Variants in EDIL3 observed in about 807,000 individuals in gnomAD.
EDIL3 encodes the protein EGF like and discoidin domains 3.
EDIL3 carries 37 observed loss-of-function variants against 67.4 expected under a neutral mutation model. The ratio of observed to expected loss-of-function variants is 0.55; its 90% CI spans 0.42 to 0.72. The LOEUF is 0.72. Among genes scored for constraint, EDIL3 ranks in the 30% least tolerant of loss-of-function variants. The probability of loss-of-function intolerance (pLI) is 0.00; values close to 1 mark genes in which losing one functional copy is unlikely to be tolerated. For synonymous variants in EDIL3, 195 were observed against 196.3 expected, an observed-to-expected ratio of 0.99 and a Z score of 0.05; for missense variants, 527 against 586.3, an observed-to-expected ratio of 0.90 and a Z score of 1.04.
chr5:84,014,476 G>A (rs1453408981), intron 9 of EDIL3, among the ~76,000 whole-genome samples: 2 of 151,976 alleles, frequency 1.3e-5, no homozygotes, highest in Admixed American at 1.3e-4. Context: ...GAAACCCCGT[G>A]TCTACTAAAA....
In EDIL3 at chr5:84,282,166, C is replaced by T. The variant is rs547618652; in HGVS notation, c.68-27954G>A. On this transcript the variant is annotated intron_variant, in intron 1 of 10. Transcript: ENST00000296591. ...GATTACAGGCGTGAGCCACCGTGCC[C>T]GGCCTCATATTTTTTAAAGAAACAA... Among the ~76,000 whole-genome samples the T allele has an allele frequency of 1.1e-4, 16 of 151,990 alleles. No individual in the cohort carries two copies. The South Asian group carries it at 1.7e-3, about 16-fold the overall frequency.
chr5:84,337,885 T>C (rs1747022368), intron 1 of EDIL3, among the ~76,000 whole-genome samples: 1 of 152,170 alleles, frequency 6.6e-6, no homozygotes, highest in Non-Finnish European at 1.5e-5. Flanking sequence ...TCCTTTATTG[T>C]ACCATAATAA....
At chr5:83,943,828 T>TA (rs965866140) in intron 10 of EDIL3, among the ~76,000 whole-genome samples, 3 of 151,684 alleles carry the variant, frequency 2.0e-5, no homozygotes, top group Admixed American at 6.6e-5. Flanking sequence ...TTCTCTCAAT[T>TA]AAAAAAAATA....
chr5:83,976,344 T>C (rs147357159), intron 9 of EDIL3, among the ~76,000 whole-genome samples: 12 of 151,860 alleles, frequency 7.9e-5, no homozygotes, highest in African/African-American at 2.9e-4. Context: ...ACTTTTTTTC[T>C]GGAAAGCTTT....
chr5:84,109,939 A>G (rs972869505), intron 5 of EDIL3, among the ~76,000 whole-genome samples: 4 of 152,206 alleles, frequency 2.6e-5, no homozygotes, highest in Admixed American at 2.6e-4. Flanking sequence ...AGATAATGAA[A>G]GCTTTGCTTT....
At chr5:84,052,014 C>T (rs1329934724) in intron 9 of EDIL3, among the ~76,000 whole-genome samples, 6 of 152,134 alleles carry the variant, frequency 3.9e-5, no homozygotes, top group African/African-American at 1.4e-4. Flanking sequence ...TTGTCAGATT[C>T]ACCAAAGATG....
intron 9 of EDIL3, among the ~76,000 whole-genome samples, chr5:84,026,104 G>T (rs1256062383): frequency 6.6e-6 from 1 of 152,124 alleles, no homozygotes; most frequent in Non-Finnish European, 1.5e-5. Context: ...AGAATATATG[G>T]ATTTCTTTCT....
intron 9 of EDIL3, among the ~76,000 whole-genome samples, chr5:83,984,097 G>C (rs1745018889): frequency 6.6e-6 from 1 of 152,028 alleles, no homozygotes; most frequent in Admixed American, 6.6e-5. Context: ...AGGGCAGTTG[G>C]TTCAGAGCGT....
intron 6 of EDIL3, among the ~76,000 whole-genome samples, chr5:84,072,801 T>A (rs1746764398): frequency 1.3e-5 from 2 of 151,544 alleles, no homozygotes; most frequent in Non-Finnish European, 2.9e-5. Context: ...AGAACAAGAA[T>A]GAAGGAGGAA....
chr5:84,161,364 C>T (rs537821519), intron 4 of EDIL3, among the ~76,000 whole-genome samples: 86 of 151,982 alleles, frequency 5.7e-4, no homozygotes, highest in Non-Finnish European at 9.3e-4. Context: ...ATGCTTAACT[C>T]GGGTCTAGTT....
intron 10 of EDIL3, among the ~76,000 whole-genome samples, chr5:83,962,957 G>T (rs552203007): frequency 9.9e-5 from 15 of 151,710 alleles, no homozygotes; most frequent in African/African-American, 3.4e-4. Flanking sequence ...TAGATAGTCA[G>T]ATCTTAGGCA....
rs62364186 is a variant in EDIL3, at chr5:84,009,678, G to A, written c.1138-46318C>T. Among the ~76,000 whole-genome samples the A allele has an allele frequency of 8.3e-3, 1,267 of 152,222 alleles. 23 individuals are homozygous for A. Among genetic ancestry groups the A allele is most frequent in the African/African-American group, 0.025 (1,033 of 41,536 alleles). On this transcript the variant is annotated intron_variant, in intron 9 of 10. Transcript: ENST00000296591. ...AGAGTGAAGAGCCCTGTCATGAGTC[G>A]CTGCTACACAAACATCACACTGAGC...
At chr5:84,313,548 C>G (rs1224276536) in intron 1 of EDIL3, among the ~76,000 whole-genome samples, 1 of 152,130 alleles carries the variant, frequency 6.6e-6, no homozygotes, top group African/African-American at 2.4e-5. Context: ...TCCTGATATT[C>G]CACTTCTTTT....
At chr5:84,053,582 A>T (rs1746382576) in intron 9 of EDIL3, among the ~76,000 whole-genome samples, 1 of 152,192 alleles carries the variant, frequency 6.6e-6, no homozygotes, top group Non-Finnish European at 1.5e-5. Flanking sequence ...AAAGAAGAAA[A>T]GAGAGAAGAA....
At chr5:84,182,085 CAG>C (rs1310225428) in intron 3 of EDIL3, among the ~76,000 whole-genome samples, 1 of 151,848 alleles carries the variant, frequency 6.6e-6, no homozygotes, top group Non-Finnish European at 1.5e-5. Flanking sequence ...GGGTATTGAA[CAG>C]AGAGTGCTAT....
intron 3 of EDIL3, among the ~76,000 whole-genome samples, chr5:84,182,270 T>TAAACAC (rs1749026087): frequency 7.0e-6 from 1 of 141,936 alleles, no homozygotes; most frequent in Non-Finnish European, 1.5e-5. Flanking sequence ...CTACAAAAAA[T>TAAACAC]ACACACACAC....
rs1309872117 is a variant in EDIL3, at chr5:84,168,158, C to T, written c.355+12235G>A. On this transcript the variant is annotated intron_variant, in intron 4 of 10. Coordinates refer to ENST00000296591, the MANE Select transcript of EDIL3 (RefSeq NM_005711.5). ...TCTAAAGGCTGACATTAGTAAATATCCACTCTATGCAACTGTGATTTCCAG... is the reference window on the plus strand; with the variant it reads ...TCTAAAGGCTGACATTAGTAAATATTCACTCTATGCAACTGTGATTTCCAG... 3.3e-5 allele frequency among the ~76,000 whole-genome samples: 5 copies of T among 152,048 alleles called. No homozygotes were observed. The East Asian group carries it at 7.7e-4, about 23-fold the overall frequency.
chr5:84,081,346 G>C (rs1304219658), intron 6 of EDIL3, among the ~76,000 whole-genome samples: 1 of 152,110 alleles, frequency 6.6e-6, no homozygotes, highest in Non-Finnish European at 1.5e-5. Flanking sequence ...TATCAAGTTT[G>C]ATGAAATTGT....
chr5:84,286,636 T>C (rs1488684966), intron 1 of EDIL3, among the ~76,000 whole-genome samples: 18 of 152,200 alleles, frequency 1.2e-4, no homozygotes. Context: ...GGAGCCATGA[T>C]TTTACTTTTT....
Sources: allele counts gnomAD v4.1 joint callset (sites outside exome capture counted in the v4.1 genomes callset), GRCh38; gene constraint gnomAD v4.1.1; transcripts MANE v1.5; gene names NCBI Gene and HGNC (gene_info 2026-07-23, HGNC 2026-07-21).